BICDL2: variants seen among roughly 807,000 people sequenced by gnomAD.
BICDL2 encodes BICD family-like cargo adapter 2.
BICDL2 carries 62 observed loss-of-function variants against 56.6 expected under a neutral mutation model. The ratio of observed to expected loss-of-function variants is 1.10; its 90% CI spans 0.89 to 1.35. BICDL2 has a LOEUF of 1.35. Ranked by LOEUF, BICDL2 falls within the 40% of genes most tolerant of loss-of-function variation. The pLI is 0.00. For missense variants in BICDL2, 808 were observed against 684.5 expected (o/e 1.18, Z -2.01); for synonymous variants, 358 against 319.8 (o/e 1.12, Z -1.27).
At chr16:3,028,675 CGGT>C (rs1213906406) in intron 8 of BICDL2, 22 bp downstream of exon 8, 2 of 1,561,000 alleles carry the variant, frequency 1.3e-6, no homozygotes, top group Non-Finnish European at 1.7e-6. Flanking sequence ...GGCGCTGGGG[CGGT>C]GGTCAATGGC....
In BICDL2 at chr16:3,035,307, C is replaced by T. The variant is rs1328958843; in HGVS notation, c.190G>A (p.Ala64Thr). The T allele has an allele frequency of 6.4e-7, 1 of 1,570,156 alleles. No homozygotes were observed. Among genetic ancestry groups the T allele is most frequent in the Non-Finnish European group, 8.6e-7 (1 of 1,158,080 alleles). The stretch of plus-strand genomic sequence containing the variant: ...AGAAGCATCTTGCCGAGCTCCGCGG[C>T]CAACAGCAGGTCTTTCTCCTTCTGC... ...LQQKEKDLLL[A>T]AELGKMLLER... The change falls in exon 2 of 10, where the codon GCC becomes ACC. Residue 64 changes from alanine to threonine, a missense_variant. Transcript: ENST00000572449.
intron 2 of BICDL2, chr16:3,031,688 G>A (rs961053192): frequency 6.7e-5 from 27 of 401,596 alleles, no homozygotes; most frequent in African/African-American, 5.3e-4. Flanking sequence ...GATGAATCGG[G>A]GGTTAACCTC....
intron 5 of BICDL2, chr16:3,030,155 T>A: frequency 2.1e-6 from 1 of 483,834 alleles, no homozygotes. Context: ...TTTCATTTCT[T>A]TTTCTCCGTC....
intron 2 of BICDL2, chr16:3,032,152 C>G (rs1455658835): frequency 6.6e-6 from 1 of 152,176 alleles, no homozygotes; most frequent in Non-Finnish European, 1.5e-5. Flanking sequence ...CAGGCTGGTC[C>G]TGAACTCCTG....
Position 3,029,879 on chromosome 16 carries a change from T to C in BICDL2, c.763-140A>G, listed in dbSNP as rs147510479. 7.5e-4 allele frequency: 501 copies of C among 671,682 alleles called. 9 individuals carry two copies. In the East Asian group the frequency reaches 0.015, roughly 21 times the overall value. The allele number at this position is 671,682 out of a possible 1,614,324, so 41.6% of individuals were successfully genotyped here. ...CAGGCTGTTCCCGTTCCTGGATCGC[T>C]GGGCGCCTTGGGCCGTGCACCTCCC... On this transcript the variant is annotated intron_variant, in intron 5 of 9. Transcript: ENST00000572449.
Position 3,028,084 on chromosome 16 carries a change from G to A in BICDL2, c.*22C>T, listed in dbSNP as rs1477744087. 5 of 1,407,466 alleles carry A rather than the reference G, an allele frequency of 3.6e-6. No homozygotes were observed. In the South Asian group the frequency reaches 4.8e-5, roughly 14 times the overall value. The allele number at this position is 1,407,466 out of a possible 1,614,324, so 87.2% of individuals were successfully genotyped here. On this transcript the variant is annotated 3_prime_UTR_variant, in exon 10 of 10. Coordinates refer to ENST00000572449, the MANE Select transcript of BICDL2 (RefSeq NM_001369667.1). ...GAAAGTGAGCCCCTAAGTGGGCAAG[G>A]GCAGCCCTCTGGGCCCAGCCGTCAG...
At position 3,030,259 on chromosome 16, in the gene BICDL2, C is replaced by T. The variant is rs1055931220; in HGVS notation, c.762+190G>A. The T allele has an allele frequency of 8.7e-6, 6 of 685,814 alleles. No homozygotes were observed. The African/African-American group carries it at 9.1e-5, about 10-fold the overall frequency. The allele number at this position is 685,814 out of a possible 1,614,324, so 42.5% of individuals were successfully genotyped here. ...CTCTTCCAGCTGCCAGGCTCTGATG[C>T]ACTCTAAGAGCATGCCTCACCTGCT... On this transcript the variant is annotated intron_variant, in intron 5 of 9. Transcript: ENST00000572449.
chr16:3,035,177 GCCCACCCACCCA>G, intron 2 of BICDL2, 26 bp downstream of exon 2: 1 of 118,826 alleles, frequency 8.4e-6, no homozygotes, highest in Non-Finnish European at 1.6e-5. Flanking sequence ...GTCCTCCCCT[GCCCACCCACCCA>G]CCCACCCCGT....
In BICDL2 at chr16:3,035,205, G is replaced by A. The variant is rs1955714568; in HGVS notation, c.282+10C>T. 1.9e-6 allele frequency: 2 copies of A among 1,042,816 alleles called. No individual in the cohort carries two copies. The highest frequency in any genetic ancestry group is 3.9e-5 in the African/African-American group (1 of 25,546). The allele number at this position is 1,042,816 out of a possible 1,614,324, so 64.6% of individuals were successfully genotyped here. A position where few individuals can be genotyped will look rare whatever the true frequency, so the allele number is the denominator to read the frequency against. On this transcript the variant is annotated intron_variant, in intron 2 of 9. Transcript: ENST00000572449. ...CACCCACCCACCCACCCCGTCCAGTGCTAGCTCACTTCCTCACGCTCCAAG... is the reference window on the plus strand; with the variant it reads ...CACCCACCCACCCACCCCGTCCAGTACTAGCTCACTTCCTCACGCTCCAAG...
intron 8 of BICDL2, 53 bp downstream of exon 8, chr16:3,028,647 G>A: frequency 6.5e-7 from 1 of 1,543,356 alleles, no homozygotes; most frequent in Admixed American, 2.0e-5. Context: ...GGAATCAGGA[G>A]CCCAGGAGGG....
Position 3,029,304 on chromosome 16 carries a change from C to A in BICDL2, c.1083G>T (p.Val361=). The change falls in exon 7 of 10, where the codon GTG becomes GTT. Residue 361 remains valine (V), a synonymous_variant. Transcript: ENST00000572449. ...CCTCATCTTGCAGCTTGGCCACTTCCACCTCCTTCTCCTCCAGTATCTCCG... is the reference window on the plus strand; with the variant it reads ...CCTCATCTTGCAGCTTGGCCACTTCAACCTCCTTCTCCTCCAGTATCTCCG... ...SPAEILEEKE[V]EVAKLQDEIS... 6.2e-7 allele frequency: 1 copy of A among 1,611,812 alleles called. No homozygotes were observed. Among genetic ancestry groups the A allele is most frequent in the Non-Finnish European group, 8.5e-7 (1 of 1,179,400 alleles).
chr16:3,035,428 G>A lies in BICDL2; in HGVS notation c.69C>T (p.Asp23=), dbSNP rs760798005. 8.7e-6 allele frequency: 14 copies of A among 1,612,314 alleles called. No individual in the cohort carries two copies. In the Admixed American group the frequency reaches 1.5e-4, roughly 17 times the overall value. Reference sequence around the variant, plus strand: ...CCAGCACAAAGGGGAAGAAGCCCTCGTCGCCGCTGGGAGAGGCGCCCCCTG... The same window carrying A: ...CCAGCACAAAGGGGAAGAAGCCCTCATCGCCGCTGGGAGAGGCGCCCCCTG... ...PLSGGASPSG[D]EGFFPFVLER... is the part of the protein sequence containing the mutation. Residue 23 remains aspartate, a synonymous_variant, in exon 2 of 10, where the codon GAC becomes GAT. Coordinates refer to ENST00000572449, the MANE Select transcript of BICDL2 (RefSeq NM_001369667.1).
chr16:3,028,291 C>G lies in BICDL2; in HGVS notation c.1360-18G>C. The G allele has an allele frequency of 6.7e-7, 1 of 1,493,300 alleles. No homozygotes were observed. The highest frequency in any genetic ancestry group is 8.8e-7 in the Non-Finnish European group (1 of 1,134,590). The allele number at this position is 1,493,300 out of a possible 1,614,324, so 92.5% of individuals were successfully genotyped here. On this transcript the variant is annotated intron_variant, in intron 9 of 9. Coordinates refer to ENST00000572449, the MANE Select transcript of BICDL2 (RefSeq NM_001369667.1). ...ATGTCGTCCTGCGGGAGGCCGTGGT[C>G]GGCTCAGCGCCGGTCCCGCCCCTTG...
At chr16:3,028,920 C>T (rs1955605276) in intron 7 of BICDL2, 90 bp from the exon 8 acceptor site, 3 of 1,451,580 alleles carry the variant, frequency 2.1e-6, no homozygotes, top group African/African-American at 1.4e-5. Context: ...CTCCCCACCC[C>T]TCCTCTGCCT....
intron 2 of BICDL2, 182 bp downstream of exon 2, chr16:3,035,033 C>T: frequency 1.6e-6 from 1 of 624,652 alleles, no homozygotes. Flanking sequence ...TTCTTTGCCA[C>T]TGGGCAACAC....
intron 1 of BICDL2, 80 bp downstream of exon 1, chr16:3,036,814 C>T (rs1955739630): frequency 3.0e-6 from 1 of 333,714 alleles, no homozygotes; most frequent in Admixed American, 4.3e-5. Flanking sequence ...CCGGCTCCCC[C>T]ACCTTCTCCG....
intron 5 of BICDL2, chr16:3,030,183 G>A: frequency 1.9e-6 from 1 of 539,254 alleles, no homozygotes; most frequent in Non-Finnish European, 3.3e-6. Context: ...CGCAGCCGTG[G>A]TCTAGGGGCT....
Position 3,030,920 on chromosome 16 carries a change from T to C in BICDL2, c.498+15A>G. ...CCCAACCTTGTCCAGGGCCCTGGGGTCAGGGCCATCCCACCTGAGCCAGCT... is the reference window on the plus strand; with the variant it reads ...CCCAACCTTGTCCAGGGCCCTGGGGCCAGGGCCATCCCACCTGAGCCAGCT... On this transcript the variant is annotated intron_variant, in intron 3 of 9. Transcript: ENST00000572449. 6.5e-7 allele frequency: 1 copy of C among 1,544,098 alleles called. No homozygotes were observed. Among genetic ancestry groups the C allele is most frequent in the Non-Finnish European group, 8.7e-7 (1 of 1,149,944 alleles).
In BICDL2 at chr16:3,030,458, G is replaced by T; in HGVS notation, c.753C>A (p.His251Gln). Reference sequence around the variant, plus strand: ...CAGCCCTGCAGGTCACCTCCAGGCTGTGCTCCCGCCGCTCCCGCCTCAGCA... The same window carrying T: ...CAGCCCTGCAGGTCACCTCCAGGCTTTGCTCCCGCCGCTCCCGCCTCAGCA... ...LLLLRRERRE[H>Q]SLELERARSE... Residue 251 changes from histidine (H) to glutamine (Q), a missense_variant, in exon 5 of 10, where the codon CAC becomes CAA. Coordinates refer to ENST00000572449, the MANE Select transcript of BICDL2 (RefSeq NM_001369667.1). The T allele has an allele frequency of 6.3e-7, 1 of 1,594,734 alleles. No individual in the cohort carries two copies. The highest frequency in any genetic ancestry group is 1.1e-5 in the South Asian group (1 of 89,610).
Sources: allele counts gnomAD v4.1 joint callset, GRCh38; gene constraint gnomAD v4.1.1; transcripts MANE v1.5; gene names NCBI Gene and HGNC (gene_info 2026-07-23, HGNC 2026-07-21).